The following SH2D4A variants were observed in gnomAD, a reference collection of about 807,000 sequenced individuals.
SH2D4A encodes SH2 domain-containing protein 4A.
Under a neutral mutation model 64.7 loss-of-function variants are expected in SH2D4A, and 70 were observed. The observed-to-expected ratio is 1.08, with a 90% CI of 0.89 to 1.32. The LOEUF is 1.32. Ranked by LOEUF, SH2D4A falls within the 40% of genes most tolerant of loss-of-function variation. The pLI is 0.00. For synonymous variants in SH2D4A, 268 were observed against 200.7 expected (o/e 1.34, Z -2.83); for missense variants, 706 against 540.1 (o/e 1.31, Z -3.04).
At chr8:19,339,134 C>T (rs1481637207) in intron 4 of SH2D4A, among the ~76,000 whole-genome samples, 1 of 152,150 alleles carries the variant, frequency 6.6e-6, no homozygotes, top group African/African-American at 2.4e-5. Flanking sequence ...ACTTGGAGTT[C>T]GATGTTCGAG....
intron 8 of SH2D4A, among the ~76,000 whole-genome samples, chr8:19,376,882 C>A (rs1382214488): frequency 3.3e-5 from 5 of 152,088 alleles, no homozygotes; most frequent in Non-Finnish European, 7.3e-5. Context: ...TCTCAGAAAT[C>A]CTCAAAACCA....
At chr8:19,373,408 G>T in intron 7 of SH2D4A, 122 bp from the exon 8 acceptor site, 1 of 536,140 alleles carries the variant, frequency 1.9e-6, no homozygotes, top group East Asian at 3.4e-5. Flanking sequence ...CTACAGACAT[G>T]CATGTATATA....
chr8:19,354,964 T>G (rs2052766947), intron 4 of SH2D4A, among the ~76,000 whole-genome samples: 1 of 152,202 alleles, frequency 6.6e-6, no homozygotes, highest in Non-Finnish European at 1.5e-5. Flanking sequence ...AGTCCAGATC[T>G]GTCTGATTCT....
At chr8:19,343,950 C>T (rs2052570337) in intron 4 of SH2D4A, among the ~76,000 whole-genome samples, 1 of 152,128 alleles carries the variant, frequency 6.6e-6, no homozygotes, top group South Asian at 2.1e-4. Context: ...ACTCTGCAGT[C>T]CTGGCCGGCG....
chr8:19,344,760 T>G (rs1045727764), intron 4 of SH2D4A, among the ~76,000 whole-genome samples: 1 of 127,780 alleles, frequency 7.8e-6, no homozygotes, highest in Non-Finnish European at 1.6e-5. Flanking sequence ...GGCCCAGAAG[T>G]GTTTCAGATT....
At chr8:19,386,659 G>T (rs984259038) in intron 8 of SH2D4A, among the ~76,000 whole-genome samples, 7 of 152,184 alleles carry the variant, frequency 4.6e-5, no homozygotes, top group African/African-American at 9.6e-5. Context: ...GGGTGTGTGA[G>T]AACCTAAGAA....
rs58884230 is a variant in SH2D4A at position 19,350,163 on chromosome 8, T to G, written c.514-7040T>G. Among the ~76,000 whole-genome samples, 77 of 152,296 alleles carry G rather than the reference T, an allele frequency of 5.1e-4. 1 individual carries two copies. Among genetic ancestry groups the G allele is most frequent in the Admixed American group, 4.9e-3 (75 of 15,302 alleles). On this transcript the variant is annotated intron_variant, in intron 4 of 9. Coordinates refer to ENST00000265807, the MANE Select transcript of SH2D4A (RefSeq NM_022071.4). ...TTACACTTTATATTTCACAATTCCT[T>G]TATTTCTCTTGCTTGTCTTTTGCTC... is the stretch of plus-strand genomic sequence containing the variant.
intron 8 of SH2D4A, among the ~76,000 whole-genome samples, chr8:19,391,068 G>A (rs17406794): frequency 0.14 from 20,814 of 152,066 alleles, 1,612 homozygotes; most frequent in African/African-American, 0.2. Flanking sequence ...CTTCTCCTCC[G>A]GTCGTGGCTC....
At chr8:19,334,542 A>G in intron 3 of SH2D4A, 144 bp from the exon 4 acceptor site, 4 of 796,210 alleles carry the variant, frequency 5.0e-6, no homozygotes, top group Non-Finnish European at 7.7e-6. Flanking sequence ...TTACACACCT[A>G]GCAAAGGGCC....
chr8:19,345,736 C>G (rs73599076), intron 4 of SH2D4A, among the ~76,000 whole-genome samples: 1 of 152,182 alleles, frequency 6.6e-6, no homozygotes, highest in African/African-American at 2.4e-5. Context: ...TTAACCAGAA[C>G]GCCAAACCAC....
chr8:19,351,180 C>G (rs7015405), intron 4 of SH2D4A, among the ~76,000 whole-genome samples: 3 of 151,984 alleles, frequency 2.0e-5, no homozygotes, highest in Non-Finnish European at 4.4e-5. Context: ...CATTGGGAAA[C>G]TGCCTTTTTG....
In SH2D4A at chr8:19,391,383, G is replaced by A. The variant is rs2053490119; in HGVS notation, c.1049-1935G>A. Among the ~76,000 whole-genome samples the A allele has an allele frequency of 2.6e-5, 4 of 152,132 alleles. No homozygotes were observed. In the South Asian group the frequency reaches 8.3e-4, roughly 31 times the overall value. ...TTTCTGTGTCCATGGTACCTACGGTGTTCCATGGGTCTGTCTCAGCAGGGA... is the reference window on the plus strand; with the variant it reads ...TTTCTGTGTCCATGGTACCTACGGTATTCCATGGGTCTGTCTCAGCAGGGA... On this transcript the variant is annotated intron_variant, in intron 8 of 9. Coordinates refer to ENST00000265807, the MANE Select transcript of SH2D4A (RefSeq NM_022071.4).
chr8:19,324,700 C>T (rs996442883), intron 2 of SH2D4A, among the ~76,000 whole-genome samples: 1 of 152,152 alleles, frequency 6.6e-6, no homozygotes, highest in Non-Finnish European at 1.5e-5. Context: ...TCACACTGCA[C>T]TGGTGGTTTG....
intron 8 of SH2D4A, among the ~76,000 whole-genome samples, chr8:19,388,097 A>G (rs962808914): frequency 2.9e-4 from 44 of 152,204 alleles, no homozygotes; most frequent in African/African-American, 1.0e-3. Flanking sequence ...GTGAGAAATG[A>G]ACACCCCTTT....
At chr8:19,347,527 G>A (rs75115067) in intron 4 of SH2D4A, among the ~76,000 whole-genome samples, 5,162 of 152,262 alleles carry the variant, frequency 0.034, 115 homozygotes, top group East Asian at 0.11. Context: ...TGAAAAATAA[G>A]CTCCTCTGTG....
At chr8:19,365,435 A>G (rs1405207904) in intron 7 of SH2D4A, among the ~76,000 whole-genome samples, 2 of 152,140 alleles carry the variant, frequency 1.3e-5, no homozygotes, top group Non-Finnish European at 2.9e-5. Flanking sequence ...CTTAATTGTG[A>G]GAACAGCTGA....
At chr8:19,349,989 C>A (rs1236977775) in intron 4 of SH2D4A, among the ~76,000 whole-genome samples, 1 of 152,222 alleles carries the variant, frequency 6.6e-6, no homozygotes, top group African/African-American at 2.4e-5. Flanking sequence ...TAGGCGTGAG[C>A]CACTGTGCCT....
chr8:19,372,763 A>G (rs1013111041), intron 7 of SH2D4A, among the ~76,000 whole-genome samples: 2 of 152,170 alleles, frequency 1.3e-5, no homozygotes, highest in Middle Eastern at 3.4e-3. Context: ...TACTGAATCT[A>G]TTTCAAAATG....
intron 8 of SH2D4A, among the ~76,000 whole-genome samples, chr8:19,383,724 C>A (rs2053338518): frequency 6.6e-6 from 1 of 151,900 alleles, no homozygotes; most frequent in Admixed American, 6.6e-5. Flanking sequence ...TCTTTTTTAG[C>A]CTGTATCTTT....
Sources: allele counts gnomAD v4.1 joint callset (sites outside exome capture counted in the v4.1 genomes callset), GRCh38; gene constraint gnomAD v4.1.1; transcripts MANE v1.5; gene names NCBI Gene and HGNC (gene_info 2026-07-23, HGNC 2026-07-21).